GALNT17: variants seen among roughly 807,000 people sequenced by gnomAD.
GALNT17 encodes polypeptide N-acetylgalactosaminyltransferase 17, also known as UDP-GalNAc:polypeptide N-acetylgalactosaminyltransferase-like 3.
GALNT17 carries 29 observed loss-of-function variants against 63.7 expected under a neutral mutation model. The observed-to-expected ratio is 0.46, with a 90% CI of 0.34 to 0.62. GALNT17 has a LOEUF of 0.62. Ranked by LOEUF, GALNT17 falls within the 20% of genes least tolerant of loss-of-function variation. The pLI is 0.01. For missense variants in GALNT17, 603 were observed against 799.6 expected (o/e 0.75, Z 2.97); for synonymous variants, 305 against 318.3 (o/e 0.96, Z 0.45).
intron 1 of GALNT17, among the ~76,000 whole-genome samples, chr7:71,143,407 CAAAAAAA>C (rs66560650): frequency 8.5e-6 from 1 of 116,992 alleles, no homozygotes; most frequent in African/African-American, 3.2e-5. Flanking sequence ...GAGACTGTCT[CAAAAAAA>C]AAAAAAAAAA....
At chr7:71,391,030 C>T (rs11972510) in intron 3 of GALNT17, among the ~76,000 whole-genome samples, 2 of 152,276 alleles carry the variant, frequency 1.3e-5, no homozygotes, top group African/African-American at 2.4e-5. Context: ...GTCGCACTTA[C>T]TAGCATGTGG....
chr7:71,701,765 G>GTA lies in GALNT17; in HGVS notation c.1501-8988_1501-8987dup, dbSNP rs1317197586. ...TGTGTATATATATGTATATATATGT[G>GTA]TATATATATGTGTGTGTGTATATAT... On this transcript the variant is annotated intron_variant, in intron 9 of 10. Transcript: ENST00000333538. 2.1e-3 allele frequency among the ~76,000 whole-genome samples: 217 copies of GTA among 104,394 alleles called. 6 individuals carry two copies. Among genetic ancestry groups the GTA allele is most frequent in the African/African-American group, 6.8e-3 (194 of 28,712 alleles). The allele number at this position is 104,394 out of a possible 152,430, so 68.5% of individuals were successfully genotyped here.
At chr7:71,510,629 T>G (rs778932103) in intron 5 of GALNT17, among the ~76,000 whole-genome samples, 48 of 152,136 alleles carry the variant, frequency 3.2e-4, no homozygotes, top group Non-Finnish European at 6.2e-4. Context: ...ACCTCAGGGA[T>G]GCAGGCCAGG....
At chr7:71,378,768 G>A (rs572540688) in intron 2 of GALNT17, among the ~76,000 whole-genome samples, 46 of 152,028 alleles carry the variant, frequency 3.0e-4, no homozygotes, top group South Asian at 2.5e-3. Context: ...AGAATTGCTT[G>A]AGGTCAGGAG....
intron 1 of GALNT17, among the ~76,000 whole-genome samples, chr7:71,226,813 A>G (rs1025270635): frequency 1.3e-5 from 2 of 152,082 alleles, no homozygotes; most frequent in African/African-American, 4.8e-5. Context: ...GGAGTCACAG[A>G]GCCTTATACA....
chr7:71,435,237 G>A (rs1786937226), intron 5 of GALNT17, among the ~76,000 whole-genome samples: 1 of 152,142 alleles, frequency 6.6e-6, no homozygotes, highest in African/African-American at 2.4e-5. Flanking sequence ...GACTGAGACG[G>A]TGAAAAAGAT....
intron 5 of GALNT17, among the ~76,000 whole-genome samples, chr7:71,535,620 T>A (rs2116791983): frequency 6.6e-6 from 1 of 152,332 alleles, no homozygotes; most frequent in Admixed American, 6.5e-5. Context: ...GTCCAAGCAA[T>A]AAGTCAACTC....
chr7:71,258,011 G>A (rs1248882172), intron 1 of GALNT17, among the ~76,000 whole-genome samples: 9 of 152,248 alleles, frequency 5.9e-5, no homozygotes, highest in South Asian at 2.1e-4. Context: ...CCCCTCGGCC[G>A]TATCCATGGC....
At chr7:71,686,177 A>G (rs916604545) in intron 9 of GALNT17, among the ~76,000 whole-genome samples, 1 of 152,000 alleles carries the variant, frequency 6.6e-6, no homozygotes, top group Admixed American at 6.6e-5. Flanking sequence ...CTGGTCTTCA[A>G]CTTCTGACCT....
rs531803864 is a variant in GALNT17, at chr7:71,191,315, T to C, written c.238+58275T>C. On this transcript the variant is annotated intron_variant, in intron 1 of 10. Transcript: ENST00000333538. ...TGGAAATGAAATCATGCATATATAT[T>C]CTTTTGTCTCTGTGTTTTGTTTTGT... 5.8e-4 allele frequency among the ~76,000 whole-genome samples: 88 copies of C among 152,120 alleles called. 2 individuals carry two copies. Among genetic ancestry groups the C allele is most frequent in the African/African-American group, 2.1e-3 (86 of 41,506 alleles).
At chr7:71,693,985 A>C (rs1370485244) in intron 9 of GALNT17, among the ~76,000 whole-genome samples, 1 of 152,092 alleles carries the variant, frequency 6.6e-6, no homozygotes, top group Non-Finnish European at 1.5e-5. Context: ...CATGCTGCTG[A>C]TAAAGTCGTA....
chr7:71,401,097 C>CTTTTTT (rs544794124), intron 3 of GALNT17, among the ~76,000 whole-genome samples: 22 of 140,032 alleles, frequency 1.6e-4, no homozygotes, highest in Admixed American at 2.9e-4. Context: ...TTTTCTTTTT[C>CTTTTTT]TTTTTTTTTT....
chr7:71,413,292 G>A lies in GALNT17; in HGVS notation c.590-2597G>A, dbSNP rs140352178. ...TGACTCCTCACAGCACTCTTCCTCC[G>A]TGACCATTTTTTTTGGGCGAGTGGG... On this transcript the variant is annotated intron_variant, in intron 3 of 10. Coordinates refer to ENST00000333538, the MANE Select transcript of GALNT17 (RefSeq NM_022479.3). Among the ~76,000 whole-genome samples, 416 of 152,122 alleles carry A rather than the reference G, an allele frequency of 2.7e-3. 1 individual carries two copies. The Middle Eastern group carries it at 0.034, about 12-fold the overall frequency.
intron 3 of GALNT17, among the ~76,000 whole-genome samples, chr7:71,401,704 G>A (rs907675467): frequency 7.2e-5 from 11 of 152,064 alleles, no homozygotes; most frequent in South Asian, 2.1e-4. Flanking sequence ...TCTAGGTTGC[G>A]CGCTCCTTAT....
chr7:71,135,541 G>C (rs1046659943), intron 1 of GALNT17, among the ~76,000 whole-genome samples: 5 of 152,186 alleles, frequency 3.3e-5, no homozygotes, highest in Admixed American at 2.0e-4. Flanking sequence ...CTCCAGAATG[G>C]AGGTTCTTAG....
intron 1 of GALNT17, among the ~76,000 whole-genome samples, chr7:71,179,841 A>G (rs148529032): frequency 9.7e-4 from 147 of 152,240 alleles, no homozygotes; most frequent in South Asian, 7.7e-3. Flanking sequence ...ACTCCTGTCT[A>G]CTTTCTGCCT....
chr7:71,252,301 C>T (rs573641379), intron 1 of GALNT17, among the ~76,000 whole-genome samples: 8 of 150,714 alleles, frequency 5.3e-5, no homozygotes, highest in Admixed American at 1.3e-4. Context: ...CTGAGGCAGG[C>T]GGATCACAAG....
At chr7:71,474,575 A>T (rs1309307548) in intron 5 of GALNT17, among the ~76,000 whole-genome samples, 8 of 152,216 alleles carry the variant, frequency 5.3e-5, no homozygotes, top group Non-Finnish European at 1.2e-4. Context: ...TATTCAACTT[A>T]TTAATTCATG....
intron 1 of GALNT17, among the ~76,000 whole-genome samples, chr7:71,249,750 T>C (rs544539583): frequency 6.6e-6 from 1 of 152,166 alleles, no homozygotes; most frequent in Non-Finnish European, 1.5e-5. Context: ...CCAAAAGAGA[T>C]GTAGATCCAA....
Sources: gnomAD v4.1 joint callset for allele counts (sites outside exome capture counted in the v4.1 genomes callset) on GRCh38, gnomAD v4.1.1 for gene constraint, MANE v1.5 for transcripts, NCBI Gene and HGNC (gene_info 2026-07-23, HGNC 2026-07-21) for gene names.